Variants in CHL1 observed in about 807,000 individuals in gnomAD.
The protein encoded by CHL1 is neural cell adhesion molecule L1-like protein.
Under a neutral mutation model 141.9 loss-of-function variants are expected in CHL1, and 96 were observed. The ratio of observed to expected loss-of-function variants is 0.68; its 90% CI spans 0.57 to 0.80. The LOEUF (loss-of-function observed/expected upper bound fraction) is 0.80. Among genes scored for constraint, CHL1 ranks in the 30% least tolerant of loss-of-function variants. The pLI is 0.00. For synonymous variants in CHL1, 613 were observed against 502.2 expected, an observed-to-expected ratio of 1.22 and a Z score of -2.95; for missense variants, 1,820 against 1,457.2, an observed-to-expected ratio of 1.25 and a Z score of -4.05.
rs1004071306 is a variant in CHL1, at chr3:405,481, T to G, written c.3459-14T>G. On this transcript the variant is annotated splice_polypyrimidine_tract_variant and intron_variant, in intron 27 of 27. Transcript: ENST00000256509. ...TAGATTTTGTTGAGCTATTTTTGTT[T>G]GTTTGTTTTCTAGTGACAGTGATGA... 5 of 1,566,984 alleles carry G rather than the reference T, an allele frequency of 3.2e-6. No individual in the cohort carries two copies. The highest frequency in any genetic ancestry group is 1.7e-4 in the Middle Eastern group (1 of 5,972).
chr3:264,527 A>T (rs971030682), intron 2 of CHL1, among the ~76,000 whole-genome samples: 4 of 152,238 alleles, frequency 2.6e-5, no homozygotes, highest in Non-Finnish European at 5.9e-5. Flanking sequence ...CCTGGTCTGT[A>T]TCATTTATAC....
chr3:346,529 C>T (rs755944072), intron 9 of CHL1, among the ~76,000 whole-genome samples: 4 of 152,116 alleles, frequency 2.6e-5, no homozygotes, highest in Admixed American at 6.6e-5. Flanking sequence ...CTAGCAACTG[C>T]GCAGAATGTC....
intron 1 of CHL1, among the ~76,000 whole-genome samples, chr3:243,036 G>C (rs897839201): frequency 1.4e-4 from 21 of 152,132 alleles, no homozygotes; most frequent in Admixed American, 6.6e-4. Flanking sequence ...GTCTTAGACA[G>C]ATCTAATGTT....
intron 5 of CHL1, among the ~76,000 whole-genome samples, chr3:329,832 T>C (rs1221824441): frequency 1.3e-5 from 2 of 152,130 alleles, no homozygotes; most frequent in Non-Finnish European, 2.9e-5. Flanking sequence ...TAACAGACTT[T>C]ATTTGTAAAA....
At chr3:386,552 A>T (rs1707734907) in intron 19 of CHL1, among the ~76,000 whole-genome samples, 1 of 152,226 alleles carries the variant, frequency 6.6e-6, no homozygotes, top group African/African-American at 2.4e-5. Flanking sequence ...TTTTTGCTTG[A>T]GAGTTTCCAT....
At chr3:238,475 A>G (rs1310043371) in intron 1 of CHL1, among the ~76,000 whole-genome samples, 2 of 152,214 alleles carry the variant, frequency 1.3e-5, no homozygotes, top group Non-Finnish European at 2.9e-5. Flanking sequence ...TCTATGTAGA[A>G]TAGGCATTTT....
chr3:348,134 A>G (rs1246595559), intron 9 of CHL1, among the ~76,000 whole-genome samples: 1 of 152,232 alleles, frequency 6.6e-6, no homozygotes, highest in South Asian at 2.1e-4. Context: ...TAGGAAGGAC[A>G]TAGGTTGAAA....
chr3:386,503 T>C (rs918371856), intron 19 of CHL1, among the ~76,000 whole-genome samples: 2 of 152,228 alleles, frequency 1.3e-5, no homozygotes, highest in Admixed American at 6.5e-5. Context: ...CAAAAGAGTC[T>C]ACTGCAACCT....
At chr3:350,841 A>T (rs976693807) in intron 10 of CHL1, among the ~76,000 whole-genome samples, 1 of 152,324 alleles carries the variant, frequency 6.6e-6, no homozygotes. Context: ...CCAAACAGTG[A>T]TATATTCCTT....
intron 3 of CHL1, among the ~76,000 whole-genome samples, chr3:323,381 A>T (rs1243058840): frequency 1.3e-5 from 2 of 152,108 alleles, no homozygotes; most frequent in African/African-American, 4.8e-5. Context: ...CTATAATGAA[A>T]TGCATCAATG....
At chr3:291,277 CATA>C (rs1361601968) in intron 2 of CHL1, among the ~76,000 whole-genome samples, 1 of 152,032 alleles carries the variant, frequency 6.6e-6, no homozygotes, top group African/African-American at 2.4e-5. Flanking sequence ...AACTTAAACT[CATA>C]ATGATGTCAT....
Position 347,500 on chromosome 3 carries a change from G to C in CHL1, c.849-1859G>C, listed in dbSNP as rs116235451. Reference sequence around the variant, plus strand: ...TATCTCATTTTCACATAATACTTTAGATCATTATTTTACTTTATTCTTTCA... The same window carrying C: ...TATCTCATTTTCACATAATACTTTACATCATTATTTTACTTTATTCTTTCA... On this transcript the variant is annotated intron_variant, in intron 9 of 27. Coordinates refer to ENST00000256509, the MANE Select transcript of CHL1 (RefSeq NM_006614.4). Among the ~76,000 whole-genome samples the C allele has an allele frequency of 3.8e-3, 583 of 152,208 alleles. 5 individuals are homozygous for C. The highest frequency in any genetic ancestry group is 0.012 in the African/African-American group (519 of 41,528).
intron 24 of CHL1, among the ~76,000 whole-genome samples, chr3:397,600 TCTA>T (rs1465514519): frequency 6.6e-6 from 1 of 152,156 alleles, no homozygotes; most frequent in Non-Finnish European, 1.5e-5. Flanking sequence ...CATTTTATCT[TCTA>T]CTATGAGATT....
intron 2 of CHL1, among the ~76,000 whole-genome samples, chr3:257,911 A>G (rs1241055718): frequency 6.6e-6 from 1 of 152,172 alleles, no homozygotes; most frequent in Non-Finnish European, 1.5e-5. Flanking sequence ...CATTGAATTT[A>G]TTTGTTTTGT....
At chr3:318,058 T>A (rs890102231) in intron 2 of CHL1, among the ~76,000 whole-genome samples, 5 of 151,906 alleles carry the variant, frequency 3.3e-5, no homozygotes. Context: ...ATGCCATTAC[T>A]CTAATTCAGG....
rs949762621 is a variant in CHL1 at position 258,931 on chromosome 3, C to T, written c.-95+14239C>T. Among the ~76,000 whole-genome samples the T allele has an allele frequency of 4.2e-5, 6 of 141,536 alleles. No individual in the cohort carries two copies. The South Asian group carries it at 1.2e-3, about 28-fold the overall frequency. The allele number at this position is 141,536 out of a possible 152,430, so 92.9% of individuals were successfully genotyped here. A position where few individuals can be genotyped will look rare whatever the true frequency, so the allele number is the denominator to read the frequency against. On this transcript the variant is annotated intron_variant, in intron 2 of 27. Transcript: ENST00000256509. Reference sequence around the variant, plus strand: ...CACCTTTATTTTAAACGTATGGCAACATCTTTTTTTTTTTTTTTTTCTGAG... The same window carrying T: ...CACCTTTATTTTAAACGTATGGCAATATCTTTTTTTTTTTTTTTTTCTGAG...
chr3:226,705 C>T (rs1701386612), intron 1 of CHL1, among the ~76,000 whole-genome samples: 1 of 152,068 alleles, frequency 6.6e-6, no homozygotes, highest in Admixed American at 6.5e-5. Context: ...CCTTGACCTC[C>T]CAAAGTGCTG....
At chr3:232,215 A>T (rs1424063812) in intron 1 of CHL1, among the ~76,000 whole-genome samples, 2 of 152,162 alleles carry the variant, frequency 1.3e-5, no homozygotes, top group Non-Finnish European at 2.9e-5. Flanking sequence ...TTGGCATGTC[A>T]TTACACATTA....
At chr3:264,689 T>A (rs1269585439) in intron 2 of CHL1, among the ~76,000 whole-genome samples, 1 of 152,230 alleles carries the variant, frequency 6.6e-6, no homozygotes, top group African/African-American at 2.4e-5. Flanking sequence ...GAATGAATGA[T>A]CCTTGGTCTT....
Sources: allele counts gnomAD v4.1 joint callset (sites outside exome capture counted in the v4.1 genomes callset), GRCh38; gene constraint gnomAD v4.1.1; transcripts MANE v1.5; gene names NCBI Gene and HGNC (gene_info 2026-07-23, HGNC 2026-07-21).